Variants in CCDC85A observed in about 807,000 individuals in gnomAD.
The protein encoded by CCDC85A is coiled-coil domain-containing protein 85A.
In CCDC85A, 38 loss-of-function variants were observed where a neutral mutation model predicts 50.2. The ratio of observed to expected loss-of-function variants is 0.76; its 90% CI spans 0.58 to 0.99. The LOEUF (loss-of-function observed/expected upper bound fraction) is 0.99. Ranked by LOEUF, CCDC85A falls within the 50% of genes least tolerant of loss-of-function variation. CCDC85A has a pLI of 0.00. For missense variants in CCDC85A, 820 were observed against 742.0 expected, an observed-to-expected ratio of 1.11 and a Z score of -1.22; for synonymous variants, 366 against 301.4, an observed-to-expected ratio of 1.21 and a Z score of -2.22.
At chr2:56,289,276 A>C (rs1671591684) in intron 2 of CCDC85A, among the ~76,000 whole-genome samples, 1 of 152,084 alleles carries the variant, frequency 6.6e-6, no homozygotes, top group South Asian at 2.1e-4. Context: ...ATTGTTTACT[A>C]TTCAGTATGA....
At chr2:56,355,128 G>A in intron 3 of CCDC85A, among the ~76,000 whole-genome samples, 1 of 152,184 alleles carries the variant, frequency 6.6e-6, no homozygotes, top group East Asian at 1.9e-4. Context: ...CTGTTGACTG[G>A]CTGCCAGAGT....
At chr2:56,317,011 C>G (rs570698854) in intron 2 of CCDC85A, among the ~76,000 whole-genome samples, 1 of 152,120 alleles carries the variant, frequency 6.6e-6, no homozygotes, top group Admixed American at 6.6e-5. Flanking sequence ...AGTGGACTTT[C>G]TATTCAGACG....
chr2:56,251,276 C>T (rs560112917), intron 2 of CCDC85A, among the ~76,000 whole-genome samples: 1 of 152,258 alleles, frequency 6.6e-6, no homozygotes, highest in Middle Eastern at 3.4e-3. Flanking sequence ...TGCCCAGTGC[C>T]TGGTATATAT....
intron 2 of CCDC85A, among the ~76,000 whole-genome samples, chr2:56,302,113 G>A (rs1463233752): frequency 6.6e-6 from 1 of 151,824 alleles, no homozygotes; most frequent in African/African-American, 2.4e-5. Flanking sequence ...AAAATTACCC[G>A]GGCCTGGTGG....
intron 2 of CCDC85A, among the ~76,000 whole-genome samples, chr2:56,272,596 T>C (rs1481274702): frequency 6.6e-6 from 1 of 152,128 alleles, no homozygotes; most frequent in African/African-American, 2.4e-5. Flanking sequence ...GGACATCATA[T>C]ATAGCAGAGA....
intron 2 of CCDC85A, among the ~76,000 whole-genome samples, chr2:56,309,629 T>C (rs6545566): frequency 0.049 from 7,431 of 152,230 alleles, 611 homozygotes; most frequent in African/African-American, 0.17. Context: ...GGAATCTCCT[T>C]GGTAATGGTT....
intron 3 of CCDC85A, among the ~76,000 whole-genome samples, chr2:56,344,963 G>A (rs947024300): frequency 6.6e-6 from 1 of 151,938 alleles, no homozygotes; most frequent in Non-Finnish European, 1.5e-5. Context: ...ATGTGAAAAT[G>A]ATGACAAGGC....
At chr2:56,285,363 C>T (rs1671390473) in intron 2 of CCDC85A, among the ~76,000 whole-genome samples, 1 of 150,398 alleles carries the variant, frequency 6.6e-6, no homozygotes, top group Non-Finnish European at 1.5e-5. Flanking sequence ...CTTGGCCTCC[C>T]AGAGTGCTGG....
intron 2 of CCDC85A, among the ~76,000 whole-genome samples, chr2:56,270,693 G>A (rs1670659431): frequency 6.6e-6 from 1 of 152,096 alleles, no homozygotes; most frequent in Non-Finnish European, 1.5e-5. Context: ...ATATTGCAAT[G>A]GCTCTCAAAG....
At chr2:56,284,868 T>A (rs761544641) in intron 2 of CCDC85A, among the ~76,000 whole-genome samples, 3 of 152,232 alleles carry the variant, frequency 2.0e-5, no homozygotes, top group African/African-American at 2.4e-5. Context: ...TTATCTACAA[T>A]AATAATCCTT....
intron 3 of CCDC85A, among the ~76,000 whole-genome samples, chr2:56,369,915 T>C (rs772854171): frequency 7.9e-5 from 12 of 152,152 alleles, no homozygotes; most frequent in East Asian, 1.9e-4. Flanking sequence ...AGTACAGTTA[T>C]AGCGAAACTT....
Position 56,334,225 on chromosome 2 carries a change from C to T in CCDC85A, c.1241-8654C>T, listed in dbSNP as rs1204195236. ...TGTCTTCACCGCTGGAATGTGGGCT[C>T]CATAAACACCCAGATCTTATCATTC... On this transcript the variant is annotated intron_variant, in intron 2 of 5. Coordinates refer to ENST00000407595, the MANE Select transcript of CCDC85A (RefSeq NM_001080433.2). 5.0e-4 allele frequency among the ~76,000 whole-genome samples: 76 copies of T among 152,136 alleles called. 1 individual carries two copies. Among genetic ancestry groups the T allele is most frequent in the East Asian group, 3.9e-4 (2 of 5,192 alleles).
intron 2 of CCDC85A, among the ~76,000 whole-genome samples, chr2:56,258,554 G>A (rs1670085125): frequency 6.6e-6 from 1 of 152,162 alleles, no homozygotes; most frequent in Non-Finnish European, 1.5e-5. Context: ...GAGACTGTTT[G>A]GCATCCCAGT....
At chr2:56,225,045 A>G (rs1668485246) in intron 2 of CCDC85A, among the ~76,000 whole-genome samples, 1 of 151,708 alleles carries the variant, frequency 6.6e-6, no homozygotes, top group African/African-American at 2.4e-5. Context: ...TAAGATATTT[A>G]TAGTTTTAGT....
At chr2:56,304,939 A>C (rs1289773230) in intron 2 of CCDC85A, among the ~76,000 whole-genome samples, 5 of 138,710 alleles carry the variant, frequency 3.6e-5, no homozygotes, top group East Asian at 2.0e-4. Flanking sequence ...AACAAACAAA[A>C]AAACAAAAAA....
intron 2 of CCDC85A, among the ~76,000 whole-genome samples, chr2:56,312,307 G>A (rs908332950): frequency 6.6e-6 from 1 of 152,012 alleles, no homozygotes; most frequent in Non-Finnish European, 1.5e-5. Flanking sequence ...TTAGAATTTC[G>A]TGGACTGTGT....
intron 2 of CCDC85A, among the ~76,000 whole-genome samples, chr2:56,256,341 A>C (rs1028095208): frequency 2.6e-5 from 4 of 152,214 alleles, no homozygotes; most frequent in Non-Finnish European, 5.9e-5. Context: ...ATGGTGTATG[A>C]GAATTAATTA....
chr2:56,337,691 A>G (rs2104309056), intron 2 of CCDC85A, among the ~76,000 whole-genome samples: 1 of 151,792 alleles, frequency 6.6e-6, no homozygotes, highest in East Asian at 1.9e-4. Context: ...CTCCCCTTTC[A>G]CAGGATTTAG....
At chr2:56,203,718 C>G (rs1676840787) in intron 2 of CCDC85A, among the ~76,000 whole-genome samples, 1 of 152,138 alleles carries the variant, frequency 6.6e-6, no homozygotes, top group African/African-American at 2.4e-5. Flanking sequence ...ATGTGGTTAC[C>G]TTAAACTGAC....
Sources: allele counts gnomAD v4.1 joint callset (sites outside exome capture counted in the v4.1 genomes callset), GRCh38; gene constraint gnomAD v4.1.1; transcripts MANE v1.5; gene names NCBI Gene and HGNC (gene_info 2026-07-23, HGNC 2026-07-21).